PRIM2: variants seen among roughly 807,000 people sequenced by gnomAD.
The protein encoded by PRIM2 is DNA primase subunit 2.
A neutral mutation model predicts 67.3 loss-of-function variants in PRIM2; 39 were observed. The ratio of observed to expected loss-of-function variants is 0.58; its 90% CI spans 0.45 to 0.76. PRIM2 has a LOEUF of 0.76. Ranked by LOEUF, PRIM2 falls within the 30% of genes least tolerant of loss-of-function variation. PRIM2 has a pLI of 0.00. For synonymous variants in PRIM2, 143 were observed against 198.7 expected, an observed-to-expected ratio of 0.72 and a Z score of 2.36; for missense variants, 398 against 598.7, an observed-to-expected ratio of 0.66 and a Z score of 3.50.
At chr6:57,644,678 AGAGT>A (rs1226358527) in intron 13 of PRIM2, among the ~76,000 whole-genome samples, 4 of 152,232 alleles carry the variant, frequency 2.6e-5, no homozygotes, top group African/African-American at 9.6e-5. Context: ...TTCAGTACGA[AGAGT>A]GAGACGTAAA....
At chr6:57,642,693 G>A (rs1366860728) in intron 13 of PRIM2, among the ~76,000 whole-genome samples, 12 of 151,808 alleles carry the variant, frequency 7.9e-5, no homozygotes, top group Non-Finnish European at 1.6e-4. Flanking sequence ...CGCCCGTCTC[G>A]GCCTCCCAAA....
intron 7 of PRIM2, among the ~76,000 whole-genome samples, chr6:57,424,579 T>C (rs1771560415): frequency 6.6e-5 from 10 of 152,146 alleles, no homozygotes; most frequent in Non-Finnish European, 7.4e-5. Context: ...AAAAAGACTT[T>C]ATCAAATTTG....
chr6:57,282,415 C>T, the PRIM2 span, among the ~76,000 whole-genome samples: 16 of 152,196 alleles, frequency 1.1e-4, no homozygotes, highest in African/African-American at 3.9e-4. Flanking sequence ...CAACTGCTTC[C>T]TAAATGGTTC....
At chr6:57,473,332 A>T (rs1399546554) in intron 7 of PRIM2, among the ~76,000 whole-genome samples, 1 of 152,184 alleles carries the variant, frequency 6.6e-6, no homozygotes, top group Non-Finnish European at 1.5e-5. Flanking sequence ...TATGCACCAG[A>T]TGTTTATCGT....
At chr6:57,237,998 A>C in the PRIM2 span, among the ~76,000 whole-genome samples, 1 of 152,212 alleles carries the variant, frequency 6.6e-6, no homozygotes, top group Non-Finnish European at 1.5e-5. Context: ...GGATCAATTC[A>C]ACAAGAAGAG....
chr6:57,347,129 C>T (rs1768702997), intron 5 of PRIM2, among the ~76,000 whole-genome samples: 1 of 152,160 alleles, frequency 6.6e-6, no homozygotes, highest in African/African-American at 2.4e-5. Flanking sequence ...TGTGCTCTCC[C>T]CATTCCAGGA....
intron 5 of PRIM2, among the ~76,000 whole-genome samples, chr6:57,367,429 G>T (rs1769396330): frequency 6.6e-6 from 1 of 152,038 alleles, no homozygotes; most frequent in Non-Finnish European, 1.5e-5. Flanking sequence ...CTTATTTTAG[G>T]TTGATAAATA....
intron 7 of PRIM2, among the ~76,000 whole-genome samples, chr6:57,437,750 C>G (rs7757264): frequency 6.7e-6 from 1 of 150,208 alleles, no homozygotes; most frequent in Admixed American, 6.7e-5. Flanking sequence ...ACTGCAGCCT[C>G]GAACTCCTGG....
At chr6:57,273,353 T>A in the PRIM2 span, among the ~76,000 whole-genome samples, 1 of 152,236 alleles carries the variant, frequency 6.6e-6, no homozygotes, top group Admixed American at 6.5e-5. Flanking sequence ...TCTAAACTTC[T>A]CTTCTCACTT....
At chr6:57,414,840 G>A (rs1755955138) in intron 7 of PRIM2, among the ~76,000 whole-genome samples, 1 of 151,856 alleles carries the variant, frequency 6.6e-6, no homozygotes. Context: ...TTTACCTCAG[G>A]AACTTATTTT....
chr6:57,381,480 T>C (rs940786937), intron 6 of PRIM2, among the ~76,000 whole-genome samples: 8 of 151,108 alleles, frequency 5.3e-5, no homozygotes, highest in African/African-American at 1.7e-4. Context: ...AAAAATAAAT[T>C]CTTGGGGCAA....
intron 8 of PRIM2, among the ~76,000 whole-genome samples, chr6:57,520,484 A>G (rs1774587674): frequency 6.6e-6 from 1 of 152,230 alleles, no homozygotes; most frequent in African/African-American, 2.4e-5. Context: ...TTACTAGAAT[A>G]TATACTAAGA....
the PRIM2 span, among the ~76,000 whole-genome samples, chr6:57,237,161 G>A: frequency 1.3e-5 from 2 of 151,754 alleles, no homozygotes; most frequent in South Asian, 4.2e-4. Context: ...TTCTCTGATG[G>A]CCAGTGATGA....
intron 7 of PRIM2, among the ~76,000 whole-genome samples, chr6:57,458,982 G>C (rs1029215012): frequency 6.6e-6 from 1 of 152,178 alleles, no homozygotes; most frequent in Non-Finnish European, 1.5e-5. Context: ...CTTTTGTTTA[G>C]TATGAACAAA....
chr6:57,241,299 C>T, the PRIM2 span, among the ~76,000 whole-genome samples: 1 of 151,542 alleles, frequency 6.6e-6, no homozygotes. Context: ...GTCTCAGCTA[C>T]TCAGGAGGCT....
chr6:57,413,459 C>T (rs1489028057), intron 7 of PRIM2, among the ~76,000 whole-genome samples: 2 of 151,506 alleles, frequency 1.3e-5, no homozygotes, highest in Non-Finnish European at 3.0e-5. Context: ...TATCAAATGG[C>T]AAATTCCAAC....
intron 7 of PRIM2, among the ~76,000 whole-genome samples, chr6:57,391,292 A>G (rs1270669916): frequency 3.4e-5 from 5 of 148,112 alleles, no homozygotes; most frequent in Non-Finnish European, 5.9e-5. Context: ...CCTTTGTCAG[A>G]TGCATAGTTT....
At chr6:57,364,801 C>T (rs1562713780) in intron 5 of PRIM2, among the ~76,000 whole-genome samples, 1 of 152,090 alleles carries the variant, frequency 6.6e-6, no homozygotes, top group Admixed American at 6.6e-5. Context: ...GGCATTAGTT[C>T]TCCTGGGTTT....
At chr6:57,321,766 T>C (rs1402383436) in intron 3 of PRIM2, among the ~76,000 whole-genome samples, 2 of 152,250 alleles carry the variant, frequency 1.3e-5, no homozygotes, top group Non-Finnish European at 2.9e-5. Context: ...CCCATGTATG[T>C]AATTCATACA....
Sources: allele counts gnomAD v4.1 joint callset (sites outside exome capture counted in the v4.1 genomes callset), GRCh38; gene constraint gnomAD v4.1.1; transcripts MANE v1.5; gene names NCBI Gene and HGNC (gene_info 2026-07-23, HGNC 2026-07-21).